The following DLG2 variants were observed in gnomAD, a reference collection of about 807,000 sequenced individuals.
DLG2 encodes discs large MAGUK scaffold protein 2.
DLG2 carries 45 observed loss-of-function variants against 132.5 expected under a neutral mutation model. The ratio of observed to expected loss-of-function variants is 0.34; its 90% CI spans 0.27 to 0.44. DLG2 has a LOEUF of 0.44. Ranked by LOEUF, DLG2 falls within the 20% of genes least tolerant of loss-of-function variation. The probability of loss-of-function intolerance (pLI) is 1.00; values close to 1 mark genes in which losing one functional copy is unlikely to be tolerated. For synonymous variants in DLG2, 424 were observed against 419.6 expected (o/e 1.01, Z -0.13); for missense variants, 1,045 against 1,196.9 (o/e 0.87, Z 1.87).
intron 8 of DLG2, among the ~76,000 whole-genome samples, chr11:84,231,258 G>T (rs755498726): frequency 6.6e-6 from 1 of 152,212 alleles, no homozygotes; most frequent in Non-Finnish European, 1.5e-5. Flanking sequence ...TATGATGTTA[G>T]AAGAGTTAAA....
At chr11:84,110,118 A>G (rs765938588) in intron 9 of DLG2, among the ~76,000 whole-genome samples, 7 of 152,150 alleles carry the variant, frequency 4.6e-5, no homozygotes, top group Non-Finnish European at 8.8e-5. Flanking sequence ...TCAAACTCCA[A>G]TGCCTATGAA....
At chr11:84,627,750 T>G (rs1403788899) in intron 6 of DLG2, among the ~76,000 whole-genome samples, 1 of 152,214 alleles carries the variant, frequency 6.6e-6, no homozygotes, top group African/African-American at 2.4e-5. Flanking sequence ...TGGGGAGTCC[T>G]CAGGGAGCTT....
intron 17 of DLG2, among the ~76,000 whole-genome samples, chr11:83,833,207 G>A (rs570031905): frequency 1.2e-4 from 18 of 152,290 alleles, no homozygotes; most frequent in African/African-American, 3.6e-4. Flanking sequence ...GGAGGCTGAG[G>A]CGGGTGGATC....
At chr11:85,426,972 T>C (rs1363222602) in intron 3 of DLG2, among the ~76,000 whole-genome samples, 1 of 151,798 alleles carries the variant, frequency 6.6e-6, no homozygotes, top group South Asian at 2.1e-4. Flanking sequence ...GAGAAATACG[T>C]GATGAATGCA....
chr11:85,398,598 T>C (rs576271485), intron 3 of DLG2, among the ~76,000 whole-genome samples: 1 of 152,138 alleles, frequency 6.6e-6, no homozygotes, highest in Non-Finnish European at 1.5e-5. Flanking sequence ...AAAGGGGATA[T>C]CACCACAATC....
At chr11:83,993,053 C>T (rs2093813738) in intron 11 of DLG2, among the ~76,000 whole-genome samples, 1 of 151,992 alleles carries the variant, frequency 6.6e-6, no homozygotes, top group African/African-American at 2.4e-5. Flanking sequence ...TTTTTTTCCT[C>T]CAGTAATTCT....
chr11:84,830,370 GTT>G (rs1367498436), intron 6 of DLG2, among the ~76,000 whole-genome samples: 1 of 141,956 alleles, frequency 7.0e-6, no homozygotes, highest in Non-Finnish European at 1.5e-5. Context: ...CGTCATCTAC[GTT>G]TTTTTTTTTT....
intron 3 of DLG2, among the ~76,000 whole-genome samples, chr11:85,502,738 G>A (rs187755650): frequency 1.9e-4 from 29 of 151,674 alleles, no homozygotes; most frequent in African/African-American, 4.8e-4. Context: ...TGATAGGTGC[G>A]GCAAACCACC....
At chr11:84,004,941 T>C (rs1488177956) in intron 11 of DLG2, among the ~76,000 whole-genome samples, 2 of 46,570 alleles carry the variant, frequency 4.3e-5, no homozygotes, top group South Asian at 1.1e-3. Context: ...AAAATTTATA[T>C]AGAATCAAAA....
chr11:84,105,488 C>T (rs74770720), intron 9 of DLG2, among the ~76,000 whole-genome samples: 2,676 of 152,176 alleles, frequency 0.018, 32 homozygotes, highest in Admixed American at 0.036. Context: ...AGGGTCCTTA[C>T]GAGTTTGAGG....
chr11:85,337,194 T>C (rs1478441227), intron 3 of DLG2, among the ~76,000 whole-genome samples: 3 of 152,224 alleles, frequency 2.0e-5, no homozygotes, highest in Non-Finnish European at 2.9e-5. Flanking sequence ...TTTCCAAATA[T>C]AATTAAAATA....
chr11:84,266,224 T>A (rs1200625031), intron 7 of DLG2, among the ~76,000 whole-genome samples: 3 of 152,166 alleles, frequency 2.0e-5, no homozygotes, highest in Non-Finnish European at 2.9e-5. Flanking sequence ...AGACCGGTAG[T>A]CAAAGAAAAT....
intron 7 of DLG2, among the ~76,000 whole-genome samples, chr11:84,475,072 C>T (rs755194174): frequency 6.6e-6 from 1 of 151,870 alleles, no homozygotes; most frequent in African/African-American, 2.4e-5. Context: ...TAGATGTTAC[C>T]AAAAATATAG....
intron 8 of DLG2, among the ~76,000 whole-genome samples, chr11:84,221,569 T>C (rs1415040287): frequency 6.6e-6 from 1 of 152,220 alleles, no homozygotes; most frequent in Non-Finnish European, 1.5e-5. Context: ...CCATTTTCTA[T>C]CAAAAGTTTC....
At chr11:84,228,688 T>C (rs1168257981) in intron 8 of DLG2, among the ~76,000 whole-genome samples, 3 of 152,236 alleles carry the variant, frequency 2.0e-5, no homozygotes, top group Admixed American at 6.5e-5. Context: ...TCAAAATTCA[T>C]AAACACAGGT....
At chr11:84,096,970 A>T (rs2154176546) in intron 10 of DLG2, among the ~76,000 whole-genome samples, 1 of 152,280 alleles carries the variant, frequency 6.6e-6, no homozygotes, top group Non-Finnish European at 1.5e-5. Flanking sequence ...TCACTACATC[A>T]GAAAAACTGG....
chr11:83,626,124 A>G (rs2062481335), intron 19 of DLG2, among the ~76,000 whole-genome samples: 2 of 152,186 alleles, frequency 1.3e-5, no homozygotes, highest in South Asian at 4.1e-4. Flanking sequence ...TCATTTCAAA[A>G]CATTTTATCA....
intron 6 of DLG2, among the ~76,000 whole-genome samples, chr11:84,624,637 G>A (rs1042937399): frequency 1.8e-4 from 27 of 151,410 alleles, no homozygotes; most frequent in Admixed American, 7.9e-4. Context: ...ATTTAATAGA[G>A]ACAGAAACTA....
chr11:84,176,647 T>C (rs1439465424), intron 8 of DLG2, among the ~76,000 whole-genome samples: 2 of 152,074 alleles, frequency 1.3e-5, no homozygotes, highest in African/African-American at 4.8e-5. Context: ...GGGTCATGCA[T>C]ACTCAAGTTG....
Sources: allele counts gnomAD v4.1 joint callset (sites outside exome capture counted in the v4.1 genomes callset), GRCh38; gene constraint gnomAD v4.1.1; transcripts MANE v1.5; gene names NCBI Gene and HGNC (gene_info 2026-07-23, HGNC 2026-07-21).